RALGAPA1: variants seen among roughly 807,000 people sequenced by gnomAD.
RALGAPA1 encodes ral GTPase-activating protein subunit alpha-1.
Under a neutral mutation model 269.6 loss-of-function variants are expected in RALGAPA1, and 52 were observed. That is an observed-to-expected ratio of 0.19 (90% CI 0.15 to 0.24). The LOEUF (loss-of-function observed/expected upper bound fraction) is 0.24. Ranked by LOEUF, RALGAPA1 falls within the 10% of genes least tolerant of loss-of-function variation. The pLI, the probability that RALGAPA1 is intolerant of heterozygous loss-of-function variation, is 1.00. For missense variants in RALGAPA1, 1,917 were observed against 3,013.9 expected (o/e 0.64, Z 8.52); for synonymous variants, 817 against 1,008.3 (o/e 0.81, Z 3.60).
chr14:35,802,734 T>C (rs2077069263), intron 1 of RALGAPA1, among the ~76,000 whole-genome samples: 2 of 149,476 alleles, frequency 1.3e-5, no homozygotes, highest in Admixed American at 6.7e-5. Context: ...CAGGCTGGAG[T>C]GCAGTGGTGC....
chr14:35,788,532 C>T (rs564379040), intron 1 of RALGAPA1, among the ~76,000 whole-genome samples: 2 of 152,126 alleles, frequency 1.3e-5, no homozygotes, highest in East Asian at 3.9e-4. Context: ...TGCCTGTAAT[C>T]CCAGTGCTTT....
rs45615938 is a variant in RALGAPA1 at position 35,605,634 on chromosome 14, T to C, written c.7005A>G (p.Thr2335=). ...AATCTTCATATGCTTGACTTCCTCC[T>C]GTATTGGTGAGAATGGAGTGTTTGT... ...QEDKHSILTN[T]GGSQAYEDFV... is the part of the protein sequence containing the mutation. The change falls in exon 36 of 42, where the codon ACA becomes ACG. Residue 2335 remains threonine (T), a synonymous_variant. Coordinates refer to ENST00000680220, the MANE Select transcript of RALGAPA1 (RefSeq NM_001346249.2). 1.7e-3 allele frequency: 2,817 copies of C among 1,610,418 alleles called. 8 individuals are homozygous for C. Among genetic ancestry groups the C allele is most frequent in the Non-Finnish European group, 2.1e-3 (2,517 of 1,178,830 alleles).
intron 37 of RALGAPA1, among the ~76,000 whole-genome samples, chr14:35,586,210 A>T (rs2058275019): frequency 6.6e-6 from 1 of 152,282 alleles, no homozygotes; most frequent in South Asian, 2.1e-4. Flanking sequence ...ATTCTCTTTG[A>T]AGCAATAGTG....
intron 16 of RALGAPA1, among the ~76,000 whole-genome samples, chr14:35,705,604 C>T (rs1478166822): frequency 1.3e-5 from 2 of 152,174 alleles, no homozygotes; most frequent in Admixed American, 6.5e-5. Flanking sequence ...TAGACAATTA[C>T]AACTAAAGCT....
intron 16 of RALGAPA1, among the ~76,000 whole-genome samples, chr14:35,721,134 T>TGTTCCCAACGTTGTTGTTCCCAAC: frequency 6.6e-6 from 1 of 152,318 alleles, no homozygotes; most frequent in South Asian, 2.1e-4. Flanking sequence ...GCCCAGAAAT[T>TGTTCCCAACGTTGTTGTTCCCAAC]GTTCCCAACG....
chr14:35,727,310 C>CATATTATAT (rs1555419682), intron 13 of RALGAPA1, among the ~76,000 whole-genome samples: 2 of 104,488 alleles, frequency 1.9e-5, no homozygotes, highest in Admixed American at 9.5e-5. Flanking sequence ...AAAATTATGG[C>CATATTATAT]ATATATATAT....
chr14:35,758,049 G>A (rs2073344166), intron 6 of RALGAPA1, among the ~76,000 whole-genome samples: 1 of 152,090 alleles, frequency 6.6e-6, no homozygotes, highest in Non-Finnish European at 1.5e-5. Flanking sequence ...AGGAGTTTGA[G>A]ATCAGCCTTG....
intron 33 of RALGAPA1, among the ~76,000 whole-genome samples, chr14:35,632,727 C>T (rs1028603504): frequency 2.6e-5 from 4 of 152,170 alleles, no homozygotes; most frequent in African/African-American, 9.7e-5. Context: ...ATTACAGCCA[C>T]TCCTGACAAT....
intron 35 of RALGAPA1, among the ~76,000 whole-genome samples, chr14:35,617,435 T>G (rs1215627712): frequency 1.3e-5 from 2 of 152,052 alleles, no homozygotes; most frequent in African/African-American, 4.8e-5. Flanking sequence ...TTGGCCAATA[T>G]GGTGAAACCC....
At position 35,634,488 on chromosome 14, in the gene RALGAPA1, C is replaced by T. The variant is rs2061548057; in HGVS notation, c.5995+86G>A. 3 of 1,066,020 alleles carry T rather than the reference C, an allele frequency of 2.8e-6. No individual in the cohort carries two copies. The South Asian group carries it at 6.8e-5, about 24-fold the overall frequency. The allele number at this position is 1,066,020 out of a possible 1,614,324, so 66.0% of individuals were successfully genotyped here. A position where few individuals can be genotyped will look rare whatever the true frequency, so the allele number is the denominator to read the frequency against. ...CAACTACAAAGTAAGACATACTCTC[C>T]TTCTCCAATATTTCCACCCATGGCC... On this transcript the variant is annotated intron_variant, in intron 33 of 41. Coordinates refer to ENST00000680220, the MANE Select transcript of RALGAPA1 (RefSeq NM_001346249.2).
At chr14:35,552,275 A>C (rs530575698) in intron 39 of RALGAPA1, among the ~76,000 whole-genome samples, 1 of 152,210 alleles carries the variant, frequency 6.6e-6, no homozygotes, top group East Asian at 1.9e-4. Context: ...GCTTTTTGTG[A>C]TTGAGATGAT....
chr14:35,617,865 G>C (rs2060363217), intron 35 of RALGAPA1, among the ~76,000 whole-genome samples: 1 of 150,646 alleles, frequency 6.6e-6, no homozygotes, highest in Admixed American at 6.6e-5. Context: ...CAGATTGTCT[G>C]CATCAAGAAA....
At chr14:35,806,199 C>T (rs1328212762) in intron 1 of RALGAPA1, among the ~76,000 whole-genome samples, 1 of 152,050 alleles carries the variant, frequency 6.6e-6, no homozygotes, top group African/African-American at 2.4e-5. Flanking sequence ...TAAATAAGCA[C>T]TTTTTATTTT....
chr14:35,710,730 T>A (rs2068251455), intron 16 of RALGAPA1, among the ~76,000 whole-genome samples: 1 of 152,256 alleles, frequency 6.6e-6, no homozygotes, highest in South Asian at 2.1e-4. Context: ...TTTACATTTA[T>A]AATACTCTAT....
At chr14:35,729,405 A>T (rs890773454) in intron 12 of RALGAPA1, among the ~76,000 whole-genome samples, 8 of 152,092 alleles carry the variant, frequency 5.3e-5, no homozygotes, top group Non-Finnish European at 8.8e-5. Context: ...AAAAAGTATA[A>T]AAAAAAGTAT....
chr14:35,552,370 CACTT>C (rs1188648321), intron 39 of RALGAPA1, among the ~76,000 whole-genome samples: 1 of 152,096 alleles, frequency 6.6e-6, no homozygotes, highest in Non-Finnish European at 1.5e-5. Flanking sequence ...ATAGGTTAGA[CACTT>C]ACTCCATAAA....
intron 14 of RALGAPA1, 38 bp downstream of exon 14, chr14:35,724,986 T>A (rs1380677385): frequency 1.3e-6 from 2 of 1,510,490 alleles, no homozygotes; most frequent in Non-Finnish European, 1.8e-6. Context: ...ACAACCCATA[T>A]CTATCCAGCT....
intron 1 of RALGAPA1, among the ~76,000 whole-genome samples, chr14:35,776,961 T>C (rs1028139771): frequency 3.3e-5 from 5 of 152,128 alleles, no homozygotes; most frequent in Middle Eastern, 6.8e-3. Flanking sequence ...GAGATCCAGA[T>C]TGGAGAACTG....
At chr14:35,673,898 A>T (rs1450480778) in intron 24 of RALGAPA1, among the ~76,000 whole-genome samples, 3 of 152,196 alleles carry the variant, frequency 2.0e-5, no homozygotes, top group African/African-American at 7.2e-5. Context: ...TTTAATACAC[A>T]GCATATTCTG....
Sources: allele counts gnomAD v4.1 joint callset (sites outside exome capture counted in the v4.1 genomes callset), GRCh38; gene constraint gnomAD v4.1.1; transcripts MANE v1.5; gene names NCBI Gene and HGNC (gene_info 2026-07-23, HGNC 2026-07-21).